The following VAV3 variants were observed in gnomAD, a reference collection of about 807,000 sequenced individuals.
VAV3 encodes vav guanine nucleotide exchange factor 3, also known as guanine nucleotide exchange factor VAV3.
VAV3 carries 94 observed loss-of-function variants against 131.2 expected under a neutral mutation model. The ratio of observed to expected loss-of-function variants is 0.72; its 90% CI spans 0.61 to 0.85. VAV3 has a LOEUF of 0.85. VAV3 is among the 40% of genes least tolerant of loss of function. The pLI is 0.00. For synonymous variants in VAV3, 349 were observed against 342.0 expected (o/e 1.02, Z -0.22); for missense variants, 939 against 1,002.7 (o/e 0.94, Z 0.86).
rs1014874089 is a variant in VAV3 at position 107,739,276 on chromosome 1, T to C, written c.1502+9692A>G. 1.3e-5 allele frequency among the ~76,000 whole-genome samples: 2 copies of C among 152,220 alleles called. 1 individual carries two copies. Among genetic ancestry groups the C allele is most frequent in the Admixed American group, 1.3e-4 (2 of 15,276 alleles). On this transcript the variant is annotated intron_variant, in intron 15 of 26. Transcript: ENST00000370056. The stretch of plus-strand genomic sequence containing the variant: ...TTTAATATTTACTAATCCTTTGTCA[T>C]GCATGAAATACTTTCGCATGTTTCC...
intron 18 of VAV3, among the ~76,000 whole-genome samples, chr1:107,687,282 C>T (rs1168249371): frequency 6.6e-6 from 1 of 152,036 alleles, no homozygotes; most frequent in African/African-American, 2.4e-5. Flanking sequence ...CTCTTGATAT[C>T]CTATATGTTC....
intron 1 of VAV3, among the ~76,000 whole-genome samples, chr1:107,875,464 C>A (rs1396642186): frequency 1.3e-5 from 2 of 151,992 alleles, no homozygotes; most frequent in African/African-American, 4.8e-5. Flanking sequence ...AGGAGCAAGC[C>A]ATGGAGAACC....
intron 1 of VAV3, among the ~76,000 whole-genome samples, chr1:107,889,805 AAGTT>A (rs1671228447): frequency 6.6e-6 from 1 of 152,198 alleles, no homozygotes; most frequent in Non-Finnish European, 1.5e-5. Context: ...AAAAATGACT[AAGTT>A]AGGTGCAGAT....
At chr1:107,836,430 T>A (rs1240481806) in intron 2 of VAV3, among the ~76,000 whole-genome samples, 1 of 152,138 alleles carries the variant, frequency 6.6e-6, no homozygotes, top group African/African-American at 2.4e-5. Context: ...AGAGTAGTTT[T>A]AAGAGGAAAG....
At position 107,777,214 on chromosome 1, in the gene VAV3, T is replaced by C. The variant is rs1456786376; in HGVS notation, c.446+17A>G. 1.9e-6 allele frequency: 3 copies of C among 1,612,512 alleles called. No homozygotes were observed. The highest frequency in any genetic ancestry group is 2.7e-5 in the African/African-American group (2 of 74,876). ...AAATTGGCAGTGGCTAAATTTTGCT[T>C]GAAATTTTCAACATACTCTATTAAA... is the stretch of plus-strand genomic sequence containing the variant. On this transcript the variant is annotated intron_variant, in intron 4 of 26. Coordinates refer to ENST00000370056, the MANE Select transcript of VAV3 (RefSeq NM_006113.5).
chr1:107,896,049 T>C (rs1671556651), intron 1 of VAV3, among the ~76,000 whole-genome samples: 1 of 152,098 alleles, frequency 6.6e-6, no homozygotes, highest in Admixed American at 6.6e-5. Context: ...CCAGAGGTGC[T>C]GCCACACACT....
chr1:107,725,578 A>T (rs1661790017), intron 15 of VAV3, among the ~76,000 whole-genome samples: 1 of 152,062 alleles, frequency 6.6e-6, no homozygotes, highest in African/African-American at 2.4e-5. Flanking sequence ...GCAGTGACAC[A>T]ATCTTGGCTC....
chr1:107,853,633 A>T (rs533987938), intron 2 of VAV3, among the ~76,000 whole-genome samples: 312 of 152,274 alleles, frequency 2.0e-3, no homozygotes, highest in African/African-American at 7.1e-3. Context: ...CTTTAAAAAA[A>T]AAAGTTATTT....
chr1:107,637,293 C>CT (rs1655003548), intron 20 of VAV3, among the ~76,000 whole-genome samples: 1 of 152,058 alleles, frequency 6.6e-6, no homozygotes, highest in South Asian at 2.1e-4. Context: ...AGCAAGTAAC[C>CT]TGAATAGCCA....
intron 22 of VAV3, among the ~76,000 whole-genome samples, chr1:107,606,433 C>A (rs1313298484): frequency 6.6e-6 from 1 of 152,038 alleles, no homozygotes; most frequent in African/African-American, 2.4e-5. Context: ...ATTGTCCTTG[C>A]CTTTCAGAAG....
At chr1:107,869,644 TG>T (rs764791664) in intron 2 of VAV3, among the ~76,000 whole-genome samples, 1 of 152,226 alleles carries the variant, frequency 6.6e-6, no homozygotes, top group Non-Finnish European at 1.5e-5. Flanking sequence ...TGTATTGTTT[TG>T]TTTTTCAATT....
Position 107,779,478 on chromosome 1 carries a change from T to C in VAV3, c.336A>G (p.Leu112=). ...CTATAGGTGTTCGAGAAAGTCGTGATAATGTTTCTATAACCTGAGAAAAGA... is the reference window on the plus strand; with the variant it reads ...CTATAGGTGTTCGAGAAAGTCGTGACAATGTTTCTATAACCTGAGAAAAGA... ...VRDFGKVIET[L]SRLSRTPIAL... Residue 112 remains leucine, a synonymous_variant, in exon 3 of 27, where the codon TTA becomes TTG. Transcript: ENST00000370056. 5 of 1,590,314 alleles carry C rather than the reference T, an allele frequency of 3.1e-6. No homozygotes were observed. The highest frequency in any genetic ancestry group is 4.3e-6 in the Non-Finnish European group (5 of 1,167,958).
chr1:107,860,723 G>A (rs561022862), intron 2 of VAV3, among the ~76,000 whole-genome samples: 10 of 151,672 alleles, frequency 6.6e-5, no homozygotes, highest in South Asian at 6.3e-4. Context: ...CTGAGGAGAC[G>A]ACGTTTATTT....
chr1:107,899,485 C>T lies in VAV3; in HGVS notation c.205-24468G>A, dbSNP rs1330465742. 3.3e-5 allele frequency among the ~76,000 whole-genome samples: 5 copies of T among 152,232 alleles called. No homozygotes were observed. In the East Asian group the frequency reaches 7.7e-4, roughly 24 times the overall value. On this transcript the variant is annotated intron_variant, in intron 1 of 26. Coordinates refer to ENST00000370056, the MANE Select transcript of VAV3 (RefSeq NM_006113.5). ...ATTTGATACGTGCTATAATGGGATGCATTGTGAAGGGCTACAAAGGCACAG... is the reference window on the plus strand; with the variant it reads ...ATTTGATACGTGCTATAATGGGATGTATTGTGAAGGGCTACAAAGGCACAG...
chr1:107,813,967 AGTGTGT>A (rs58318688), intron 2 of VAV3, among the ~76,000 whole-genome samples: 11,377 of 135,762 alleles, frequency 0.084, 544 homozygotes, highest in African/African-American at 0.13. Flanking sequence ...ATAGTACTCC[AGTGTGT>A]GTGTGTGTGT....
At chr1:107,964,242 A>G (rs995419211) in intron 1 of VAV3, among the ~76,000 whole-genome samples, 1 of 152,206 alleles carries the variant, frequency 6.6e-6, no homozygotes, top group African/African-American at 2.4e-5. Context: ...CTTTTAGGAA[A>G]ACATGAGTAC....
intron 1 of VAV3, among the ~76,000 whole-genome samples, chr1:107,956,445 T>C (rs1217886963): frequency 6.6e-6 from 1 of 152,152 alleles, no homozygotes; most frequent in East Asian, 1.9e-4. Flanking sequence ...TTTAACATAC[T>C]AGAATTCTAA....
At chr1:107,639,029 T>C (rs574166727) in intron 20 of VAV3, among the ~76,000 whole-genome samples, 2 of 151,954 alleles carry the variant, frequency 1.3e-5, no homozygotes, top group Non-Finnish European at 2.9e-5. Flanking sequence ...AAGATATATA[T>C]ACACACATAT....
At chr1:107,807,049 A>T (rs1667093826) in intron 2 of VAV3, among the ~76,000 whole-genome samples, 1 of 152,134 alleles carries the variant, frequency 6.6e-6, no homozygotes, top group Non-Finnish European at 1.5e-5. Flanking sequence ...TTTTTTCCTC[A>T]TGTTTTCCAT....
Sources: gnomAD v4.1 joint callset for allele counts (sites outside exome capture counted in the v4.1 genomes callset) on GRCh38, gnomAD v4.1.1 for gene constraint, MANE v1.5 for transcripts, NCBI Gene and HGNC (gene_info 2026-07-23, HGNC 2026-07-21) for gene names.